Variants in TULP4 observed in about 807,000 individuals in gnomAD.
The protein encoded by TULP4 is TUB like protein 4.
A neutral mutation model predicts 129.0 loss-of-function variants in TULP4; 16 were observed. The observed-to-expected ratio is 0.12, with a 90% confidence interval of 0.08 to 0.19. The LOEUF is 0.19. Among genes scored for constraint, TULP4 ranks in the 10% least tolerant of loss-of-function variants. The probability of loss-of-function intolerance (pLI) is 1.00; values close to 1 mark genes in which losing one functional copy is unlikely to be tolerated. For synonymous variants in TULP4, 998 were observed against 854.0 expected, an observed-to-expected ratio of 1.17 and a Z score of -2.94; for missense variants, 1,842 against 2,059.1, an observed-to-expected ratio of 0.89 and a Z score of 2.04.
chr6:158,320,343 T>C (rs1238492403), intron 1 of TULP4, among the ~76,000 whole-genome samples: 1 of 152,178 alleles, frequency 6.6e-6, no homozygotes, highest in Middle Eastern at 3.2e-3. Flanking sequence ...CTTGGGAATG[T>C]TTTTATTCTA....
At chr6:158,386,521 C>T (rs1777451836) in intron 1 of TULP4, among the ~76,000 whole-genome samples, 1 of 152,052 alleles carries the variant, frequency 6.6e-6, no homozygotes, top group South Asian at 2.1e-4. Flanking sequence ...AATAAATTTT[C>T]TTTTTACTCC....
intron 1 of TULP4, among the ~76,000 whole-genome samples, chr6:158,380,915 AG>A (rs1159054902): frequency 5.6e-4 from 84 of 150,148 alleles, no homozygotes; most frequent in African/African-American, 1.9e-3. Context: ...AAAAAAAAGA[AG>A]AAGAAGAAGA....
chr6:158,256,387 C>G (rs577150158), intron 1 of TULP4, among the ~76,000 whole-genome samples: 2 of 152,178 alleles, frequency 1.3e-5, no homozygotes, highest in Non-Finnish European at 2.9e-5. Flanking sequence ...CACACTCACA[C>G]AGGCAGCTTT....
upstream of TULP4, among the ~76,000 whole-genome samples, chr6:158,311,253 A>G (rs767784207): frequency 3.9e-5 from 6 of 152,110 alleles, no homozygotes; most frequent in African/African-American, 7.2e-5. Context: ...CTTCCCTTTC[A>G]GTGTCCAGTT....
chr6:158,239,592 AC>A (rs1287751045), intron 1 of TULP4, among the ~76,000 whole-genome samples: 11 of 28,148 alleles, frequency 3.9e-4, no homozygotes, highest in South Asian at 1.6e-3. Flanking sequence ...AGGGGGGCTG[AC>A]CCCCCCCACC....
intron 1 of TULP4, among the ~76,000 whole-genome samples, chr6:158,394,828 G>A (rs186117837): frequency 8.5e-5 from 12 of 140,966 alleles, no homozygotes; most frequent in African/African-American, 2.4e-4. Context: ...ACTACCTGAG[G>A]CAGGGTAATT....
chr6:158,379,256 TCTC>T (rs1213344586), intron 1 of TULP4, among the ~76,000 whole-genome samples: 1 of 152,154 alleles, frequency 6.6e-6, no homozygotes, highest in East Asian at 1.9e-4. Flanking sequence ...CTGAGGTAGT[TCTC>T]CTCATATGAA....
chr6:158,488,560 G>A (rs1294366807), intron 8 of TULP4, among the ~76,000 whole-genome samples: 1 of 152,082 alleles, frequency 6.6e-6, no homozygotes, highest in African/African-American at 2.4e-5. Context: ...ACCTCCAAAT[G>A]CTCAGAAACT....
At chr6:158,341,876 G>T (rs1448229863) in intron 1 of TULP4, among the ~76,000 whole-genome samples, 1 of 152,098 alleles carries the variant, frequency 6.6e-6, no homozygotes, top group Non-Finnish European at 1.5e-5. Flanking sequence ...TTTTCCCTTT[G>T]TTTATTGTGT....
Position 158,314,076 on chromosome 6 carries a change from G to A in TULP4, c.60G>A (p.Leu20=), listed in dbSNP as rs1214464914. The A allele has an allele frequency of 6.2e-7, 1 of 1,614,200 alleles. No homozygotes were observed. Among genetic ancestry groups the A allele is most frequent in the South Asian group, 1.1e-5 (1 of 91,076 alleles). The change falls in exon 1 of 14, where the codon CTG becomes CTA. Residue 20 remains leucine, a synonymous_variant. Transcript: ENST00000367097. ...VLCSDSNILC[L]SWKGRVPKSE... ...GCAGCGATTCCAACATCCTGTGCCT[G>A]TCCTGGAAGGGGCGTGTCCCCAAGA...
chr6:158,439,651 A>G (rs1194817514), intron 3 of TULP4, among the ~76,000 whole-genome samples: 2 of 151,744 alleles, frequency 1.3e-5, no homozygotes, highest in African/African-American at 4.8e-5. Flanking sequence ...GCTCAATACA[A>G]GAAAAGAACA....
In TULP4 at chr6:158,334,936, G is replaced by A. The variant is rs141526448; in HGVS notation, c.252+20668G>A. Among the ~76,000 whole-genome samples, 286 of 152,252 alleles carry A rather than the reference G, an allele frequency of 1.9e-3. 1 individual carries two copies. Among genetic ancestry groups the A allele is most frequent in the African/African-American group, 6.6e-3 (274 of 41,556 alleles). On this transcript the variant is annotated intron_variant, in intron 1 of 13. Coordinates refer to ENST00000367097, the MANE Select transcript of TULP4 (RefSeq NM_020245.5). ...GCCTTCACCAGACACCATCTCTGCT[G>A]ACACCTTGATCTTGGACTTCCTAAC...
chr6:158,490,057 G>T (rs1210364587), intron 9 of TULP4, among the ~76,000 whole-genome samples: 2 of 152,192 alleles, frequency 1.3e-5, no homozygotes, highest in African/African-American at 4.8e-5. Flanking sequence ...GAAGAAAAAG[G>T]TTCCCCTGTG....
chr6:158,499,216 C>G lies in TULP4; in HGVS notation c.2014+404C>G, dbSNP rs79189585. ...AGGCCAGCTTTCATCCTTTCAGTCCCTGCTGAGATAGTGTCTCACTCCAGC... is the reference window on the plus strand; with the variant it reads ...AGGCCAGCTTTCATCCTTTCAGTCCGTGCTGAGATAGTGTCTCACTCCAGC... On this transcript the variant is annotated intron_variant, in intron 12 of 13. Transcript: ENST00000367097. Among the ~76,000 whole-genome samples the G allele has an allele frequency of 2.2e-4, 33 of 152,284 alleles. No individual in the cohort carries two copies. In the East Asian group the frequency reaches 6.4e-3, roughly 29 times the overall value.
At chr6:158,337,560 A>T (rs1368698767) in intron 1 of TULP4, among the ~76,000 whole-genome samples, 3 of 152,232 alleles carry the variant, frequency 2.0e-5, no homozygotes, top group Admixed American at 2.0e-4. Context: ...CAGTGTCACT[A>T]AAGCCCTGGC....
At chr6:158,427,406 A>G (rs886453351) in intron 2 of TULP4, among the ~76,000 whole-genome samples, 1 of 151,264 alleles carries the variant, frequency 6.6e-6, no homozygotes, top group East Asian at 1.9e-4. Flanking sequence ...AATATTAACA[A>G]CTACTTGCCA....
At chr6:158,466,503 T>C (rs1779557802) in intron 6 of TULP4, among the ~76,000 whole-genome samples, 1 of 152,206 alleles carries the variant, frequency 6.6e-6, no homozygotes, top group Non-Finnish European at 1.5e-5. Context: ...TTTTGAGAAA[T>C]GTGTGTTCAA....
At position 158,507,040 on chromosome 6, in the gene TULP4, T is replaced by C; in HGVS notation, c.*346T>C. ...CAGTCTGCCTTAGAGCCTGCTATTC[T>C]TTTAGACATAGGGAGGATGCATTAT... On this transcript the variant is annotated 3_prime_UTR_variant, in exon 14 of 14. Coordinates refer to ENST00000367097, the MANE Select transcript of TULP4 (RefSeq NM_020245.5). The C allele has an allele frequency of 4.0e-6, 1 of 249,756 alleles. No individual in the cohort carries two copies. The highest frequency in any genetic ancestry group is 7.8e-6 in the Non-Finnish European group (1 of 128,622). The allele number at this position is 249,756 out of a possible 1,614,324, so 15.5% of individuals were successfully genotyped here.
chr6:158,441,331 A>G lies in TULP4; in HGVS notation c.544-7665A>G, dbSNP rs556897268. ...TCTATCTAAAAAAAATATTAGGTTA[A>G]GAATAAAAGATGAGAGGAATTTATT... is the stretch of plus-strand genomic sequence containing the variant. On this transcript the variant is annotated intron_variant, in intron 3 of 13. Transcript: ENST00000367097. Among the ~76,000 whole-genome samples, 83 of 152,330 alleles carry G rather than the reference A, an allele frequency of 5.4e-4. 1 individual carries two copies. Among genetic ancestry groups the G allele is most frequent in the South Asian group, 2.3e-3 (11 of 4,820 alleles).
Sources: allele counts gnomAD v4.1 joint callset (sites outside exome capture counted in the v4.1 genomes callset), GRCh38; gene constraint gnomAD v4.1.1; transcripts MANE v1.5; gene names NCBI Gene and HGNC (gene_info 2026-07-23, HGNC 2026-07-21).